MACO1: variants seen among roughly 807,000 people sequenced by gnomAD.
MACO1 encodes macoilin.
In MACO1, 14 loss-of-function variants were observed where a neutral mutation model predicts 78.7. The ratio of observed to expected loss-of-function variants is 0.18; its 90% CI spans 0.12 to 0.28. The LOEUF (loss-of-function observed/expected upper bound fraction) is 0.28. Ranked by LOEUF, MACO1 falls within the 10% of genes least tolerant of loss-of-function variation. The pLI is 1.00. For synonymous variants in MACO1, 288 were observed against 291.6 expected (o/e 0.99, Z 0.12); for missense variants, 501 against 799.0 (o/e 0.63, Z 4.50).
At chr1:25,431,379 C>CCGGG (rs1184264007) in intron 1 of MACO1, among the ~76,000 whole-genome samples, 1 of 146,932 alleles carries the variant, frequency 6.8e-6, no homozygotes, top group Non-Finnish European at 1.5e-5. Context: ...GTCGGCCCGG[C>CCGGG]CGGGCGGGCA....
intron 1 of MACO1, 46 bp downstream of exon 1, chr1:25,431,224 C>A: frequency 1.4e-6 from 2 of 1,466,792 alleles, no homozygotes. Flanking sequence ...CCTGCGGTCC[C>A]CCTCCAGCTC....
chr1:25,434,860 A>G (rs1445969307), intron 1 of MACO1, among the ~76,000 whole-genome samples: 1 of 152,148 alleles, frequency 6.6e-6, no homozygotes, highest in Non-Finnish European at 1.5e-5. Flanking sequence ...CATTGCAGGC[A>G]GTGATTTTCC....
chr1:25,431,847 A>G (rs746946614), intron 1 of MACO1, among the ~76,000 whole-genome samples: 1 of 151,896 alleles, frequency 6.6e-6, no homozygotes, highest in African/African-American at 2.4e-5. Context: ...TTCAGCAAAT[A>G]TTGTTTTGAC....
In MACO1 at chr1:25,457,701, T is replaced by C. The variant is rs146681318; in HGVS notation, c.653-690T>C. Among the ~76,000 whole-genome samples, 7 of 152,336 alleles carry C rather than the reference T, an allele frequency of 4.6e-5. No homozygotes were observed. In the East Asian group the frequency reaches 1.3e-3, roughly 29 times the overall value. ...GATAATTGGCAGTAGCTAGTTTCCA[T>C]TGGTTTGAAAGTTGAAAGTTTGAGG... On this transcript the variant is annotated intron_variant, in intron 5 of 10. Transcript: ENST00000374343.
intron 4 of MACO1, 80 bp from the exon 5 acceptor site, chr1:25,456,573 C>G: frequency 7.1e-7 from 1 of 1,402,462 alleles, no homozygotes; most frequent in East Asian, 2.3e-5. Context: ...AATTTTTAAG[C>G]CATAGGTATT....
intron 1 of MACO1, among the ~76,000 whole-genome samples, chr1:25,445,627 C>A (rs1364184038): frequency 6.7e-6 from 1 of 149,548 alleles, no homozygotes; most frequent in Admixed American, 6.7e-5. Context: ...TGTTTTTTTC[C>A]TCCAAGTATG....
At chr1:25,453,239 A>G (rs527712143) in intron 3 of MACO1, among the ~76,000 whole-genome samples, 6 of 144,344 alleles carry the variant, frequency 4.2e-5, no homozygotes, top group Non-Finnish European at 7.6e-5. Context: ...TCCCGACCTC[A>G]GGTGATCCGC....
At chr1:25,444,547 G>A (rs2042999217) in intron 1 of MACO1, among the ~76,000 whole-genome samples, 1 of 152,034 alleles carries the variant, frequency 6.6e-6, no homozygotes, top group Admixed American at 6.5e-5. Flanking sequence ...CTAGATTTGT[G>A]CTCCCGAATA....
intron 1 of MACO1, among the ~76,000 whole-genome samples, chr1:25,439,412 AC>A (rs1557657404): frequency 3.3e-5 from 5 of 151,754 alleles, no homozygotes; most frequent in Non-Finnish European, 7.4e-5. Flanking sequence ...AAATAAACAA[AC>A]AAAAAAGGGC....
Position 25,430,897 on chromosome 1 carries a change from G to A in MACO1, c.-202G>A, listed in dbSNP as rs529232051. The A allele has an allele frequency of 3.9e-5, 18 of 461,934 alleles. No homozygotes were observed. The highest frequency in any genetic ancestry group is 3.6e-4 in the Admixed American group (8 of 22,172). 28.6% of individuals were successfully genotyped at this position (461,934 alleles called of 1,614,324 possible). ...TGCTGGGCGGGCGGGCCCCGGAATT[G>A]TCATTTCTTTGTTTCCGAAGGCGGA... On this transcript the variant is annotated 5_prime_UTR_variant, in exon 1 of 11. Transcript: ENST00000374343.
In MACO1 at chr1:25,491,444, C is replaced by A. The variant is rs1202501824; in HGVS notation, c.1652C>A (p.Thr551Asn). The part of the protein sequence containing the change: ...LRKYKENEKD[T>N]EVLMSALSAM... Reference sequence around the variant, plus strand: ...AAATATAAGGAAAATGAGAAGGACACTGAGGTGTTAATGTCAGCCCTCTCA... The same window carrying A: ...AAATATAAGGAAAATGAGAAGGACAATGAGGTGTTAATGTCAGCCCTCTCA... The change falls in exon 10 of 11, where the codon ACT (threonine) becomes AAT (asparagine). Residue 551 changes from threonine (T) to asparagine (N), a missense_variant. Physicochemically the swap from Thr to Asn is moderately conservative, Grantham distance 65 (BLOSUM62 0). Around this residue, in one of 5 missense-constraint regions of MACO1, gnomAD observed 11 missense variants for 47.7 expected, o/e 0.23. Coordinates refer to ENST00000374343, the MANE Select transcript of MACO1 (RefSeq NM_018202.6). 1.9e-6 allele frequency: 3 copies of A among 1,614,236 alleles called. No individual in the cohort carries two copies. The highest frequency in any genetic ancestry group is 2.5e-6 in the Non-Finnish European group (3 of 1,180,036).
rs72871923 is a variant in MACO1, at chr1:25,486,222, A to C, written c.1496+427A>C. Among the ~76,000 whole-genome samples the C allele has an allele frequency of 5.1e-3, 781 of 152,320 alleles. 5 individuals are homozygous for C. Among genetic ancestry groups the C allele is most frequent in the African/African-American group, 0.018 (743 of 41,558 alleles). On this transcript the variant is annotated intron_variant, in intron 8 of 10. Coordinates refer to ENST00000374343, the MANE Select transcript of MACO1 (RefSeq NM_018202.6). ...TATCTTAAAATGGAAGAAAGATAAA[A>C]TCTTGGTTGCCCAAGCACTGTGTAC...
rs1275175896 is a variant in MACO1, at chr1:25,458,803, A to G, written c.1065A>G (p.Lys355=). Residue 355 remains lysine, a synonymous_variant, in exon 6 of 11, where the codon AAA becomes AAG. Coordinates refer to ENST00000374343, the MANE Select transcript of MACO1 (RefSeq NM_018202.6). ...CTAGTAAAAATGAGAAGAAGCAGAA[A>G]TGCACTAGCAAGAGCCCAAGTACAC... The part of the protein sequence containing the change: ...SSSSKNEKKQ[K]CTSKSPSTHK... The G allele has an allele frequency of 5.6e-6, 9 of 1,614,086 alleles. No homozygotes were observed. Among genetic ancestry groups the G allele is most frequent in the African/African-American group, 1.3e-5 (1 of 74,916 alleles).
In MACO1 at chr1:25,431,022, G is replaced by A; in HGVS notation, c.-77G>A. 1 of 1,225,236 alleles carries A rather than the reference G, an allele frequency of 8.2e-7. No homozygotes were observed. The highest frequency in any genetic ancestry group is 1.4e-5 in the South Asian group (1 of 70,046). The allele number at this position is 1,225,236 out of a possible 1,614,324, so 75.9% of individuals were successfully genotyped here. A position where few individuals can be genotyped will look rare whatever the true frequency, so the allele number is the denominator to read the frequency against. On this transcript the variant is annotated 5_prime_UTR_variant, in exon 1 of 11. Coordinates refer to ENST00000374343, the MANE Select transcript of MACO1 (RefSeq NM_018202.6). ...CAGGGGTAGAGTCCAGGCCCGACGC[G>A]GGGCGGGCCAGCGGCGGCGGCAGCT...
intron 8 of MACO1, among the ~76,000 whole-genome samples, chr1:25,486,816 A>G (rs2043437577): frequency 1.3e-5 from 2 of 152,198 alleles, no homozygotes; most frequent in Non-Finnish European, 2.9e-5. Flanking sequence ...ATCAGCATCT[A>G]TACAGACTTA....
chr1:25,469,607 A>G (rs1199464522), intron 6 of MACO1, among the ~76,000 whole-genome samples: 1 of 148,934 alleles, frequency 6.7e-6, no homozygotes. Context: ...AGCTACCAGC[A>G]TTTAATACTG....
chr1:25,465,945 A>G (rs1273428309), intron 6 of MACO1, among the ~76,000 whole-genome samples: 1 of 152,186 alleles, frequency 6.6e-6, no homozygotes, highest in East Asian at 1.9e-4. Flanking sequence ...ACATAATTTC[A>G]TTCTTTATAT....
intron 1 of MACO1, among the ~76,000 whole-genome samples, chr1:25,435,156 G>A (rs556455767): frequency 2.4e-4 from 36 of 152,258 alleles, no homozygotes; most frequent in Non-Finnish European, 4.0e-4. Context: ...AAGCTTCTGG[G>A]AATGATTTTA....
chr1:25,431,353 G>C (rs1335555973), intron 1 of MACO1, among the ~76,000 whole-genome samples, 175 bp downstream of exon 1: 1 of 146,880 alleles, frequency 6.8e-6, no homozygotes, highest in Non-Finnish European at 1.5e-5. Context: ...CCCCGGGTGC[G>C]CGGGGCGTGG....
Sources: allele counts gnomAD v4.1 joint callset (sites outside exome capture counted in the v4.1 genomes callset), GRCh38; gene constraint gnomAD v4.1.1; regional missense constraint gnomAD v4.1.1; transcripts MANE v1.5; gene names NCBI Gene and HGNC (gene_info 2026-07-23, HGNC 2026-07-21).